KCNK10: variants seen among roughly 807,000 people sequenced by gnomAD.
KCNK10 encodes potassium channel subfamily K member 10.
In KCNK10, 25 loss-of-function variants were observed where a neutral mutation model predicts 47.7. The ratio of observed to expected loss-of-function variants is 0.52; its 90% CI spans 0.38 to 0.73. The LOEUF (loss-of-function observed/expected upper bound fraction) is 0.73. Among genes scored for constraint, KCNK10 ranks in the 30% least tolerant of loss-of-function variants. The pLI is 0.00. For missense variants in KCNK10, 563 were observed against 714.5 expected (o/e 0.79, Z 2.42); for synonymous variants, 303 against 285.6 (o/e 1.06, Z -0.61).
chr14:88,240,402 A>G (rs939561482), intron 3 of KCNK10, among the ~76,000 whole-genome samples: 1 of 152,216 alleles, frequency 6.6e-6, no homozygotes, highest in African/African-American at 2.4e-5. Flanking sequence ...TAAGAAGTAC[A>G]ATTTTTAAAA....
Position 88,212,109 on chromosome 14 carries a change from AATAT to A in KCNK10, c.681+15262_681+15265del, listed in dbSNP as rs34318518. Among the ~76,000 whole-genome samples the A allele has an allele frequency of 9.0e-5, 12 of 133,374 alleles. No individual in the cohort carries two copies. In the East Asian group the frequency reaches 1.3e-3, roughly 15 times the overall value. 87.5% of individuals were successfully genotyped at this position (133,374 alleles called of 152,430 possible). A position where few individuals can be genotyped will look rare whatever the true frequency, so the allele number is the denominator to read the frequency against. On this transcript the variant is annotated intron_variant, in intron 4 of 6. Transcript: ENST00000319231. ...ACTTTTGGTACTAACTGATAGTGAG[AATAT>A]ATATATATATATATATATCGAGAGA...
At chr14:88,271,244 A>G (rs994670195) in intron 1 of KCNK10, among the ~76,000 whole-genome samples, 13 of 152,204 alleles carry the variant, frequency 8.5e-5, no homozygotes, top group African/African-American at 3.1e-4. Context: ...CCCTGGTTAC[A>G]GTTTGTTTCA....
chr14:88,243,788 G>C (rs1478818471), intron 2 of KCNK10, among the ~76,000 whole-genome samples: 1 of 151,494 alleles, frequency 6.6e-6, no homozygotes, highest in Admixed American at 6.6e-5. Flanking sequence ...GACAAAAAGG[G>C]GTGTCAACTG....
intron 1 of KCNK10, among the ~76,000 whole-genome samples, chr14:88,288,889 C>T (rs1170374590): frequency 6.6e-6 from 1 of 152,154 alleles, no homozygotes; most frequent in Non-Finnish European, 1.5e-5. Context: ...CCTCACCACC[C>T]CACTGCAGAA....
chr14:88,231,220 A>G (rs1405489222), intron 3 of KCNK10, among the ~76,000 whole-genome samples: 1 of 152,142 alleles, frequency 6.6e-6, no homozygotes, highest in African/African-American at 2.4e-5. Flanking sequence ...TTGAGGTTAC[A>G]GTAAGCTATG....
chr14:88,242,663 C>G (rs1264468720), intron 2 of KCNK10, among the ~76,000 whole-genome samples: 1 of 152,182 alleles, frequency 6.6e-6, no homozygotes, highest in Non-Finnish European at 1.5e-5. Flanking sequence ...GCCTAATTGA[C>G]AGTGGTCACA....
Position 88,322,808 on chromosome 14 carries a change from G to A in KCNK10, c.-10C>T, listed in dbSNP as rs1292756645. 4 of 1,614,134 alleles carry A rather than the reference G, an allele frequency of 2.5e-6. No homozygotes were observed. In the South Asian group the frequency reaches 3.3e-5, roughly 13 times the overall value. On this transcript the variant is annotated 5_prime_UTR_variant, in exon 1 of 7. Coordinates refer to ENST00000319231, the MANE Select transcript of KCNK10 (RefSeq NM_138317.3). The surrounding 1 kb of genome is among the most constrained non-coding windows in gnomAD (Gnocchi z 4.8). ...CGATTGGAAATTTCATTGCTTCGTT[G>A]CCCAGAAGGGGAAGAAATGAAAAGA...
At chr14:88,312,447 G>A (rs1224614010) in intron 1 of KCNK10, among the ~76,000 whole-genome samples, 2 of 152,186 alleles carry the variant, frequency 1.3e-5, no homozygotes, top group African/African-American at 4.8e-5. Flanking sequence ...GCCGACTTGC[G>A]TTTCAGTCAC....
intron 4 of KCNK10, among the ~76,000 whole-genome samples, chr14:88,206,926 T>A (rs1468110702): frequency 1.3e-5 from 2 of 152,186 alleles, no homozygotes; most frequent in East Asian, 3.8e-4. Flanking sequence ...TGGGTGAAGG[T>A]AAATTGTATA....
intron 3 of KCNK10, among the ~76,000 whole-genome samples, chr14:88,228,259 G>A (rs2139873597): frequency 6.6e-6 from 1 of 152,284 alleles, no homozygotes; most frequent in Middle Eastern, 3.4e-3. Context: ...TTGAATACAA[G>A]AGAATCTTTT....
chr14:88,235,556 G>C (rs1428429982), intron 3 of KCNK10, among the ~76,000 whole-genome samples: 2 of 152,028 alleles, frequency 1.3e-5, no homozygotes, highest in Non-Finnish European at 2.9e-5. Context: ...AAAGAAACAG[G>C]AAAAGGAAAA....
chr14:88,211,133 C>T (rs986346117), intron 4 of KCNK10, among the ~76,000 whole-genome samples: 1 of 152,042 alleles, frequency 6.6e-6, no homozygotes, highest in African/African-American at 2.4e-5. Flanking sequence ...AACAAATAGG[C>T]AAAATGTGGT....
chr14:88,200,352 T>C (rs935658716), intron 4 of KCNK10, among the ~76,000 whole-genome samples: 4 of 152,144 alleles, frequency 2.6e-5, no homozygotes, highest in Non-Finnish European at 4.4e-5. Flanking sequence ...TTTAAGAGCA[T>C]AATTGAGAAA....
Position 88,273,863 on chromosome 14 carries a change from G to T in KCNK10, c.53-10312C>A, listed in dbSNP as rs551452889. 1.5e-3 allele frequency among the ~76,000 whole-genome samples: 231 copies of T among 152,284 alleles called. 1 individual carries two copies. Among genetic ancestry groups the T allele is most frequent in the African/African-American group, 5.4e-3 (226 of 41,564 alleles). Reference sequence around the variant, plus strand: ...TAACTAGCGCACTTTATACAGGAAAGACCTTTATCCTCCTCTTGGGATTAA... The same window carrying T: ...TAACTAGCGCACTTTATACAGGAAATACCTTTATCCTCCTCTTGGGATTAA... On this transcript the variant is annotated intron_variant, in intron 1 of 6. Coordinates refer to ENST00000319231, the MANE Select transcript of KCNK10 (RefSeq NM_138317.3).
At chr14:88,321,277 A>G (rs563364716) in intron 1 of KCNK10, among the ~76,000 whole-genome samples, 34 of 152,270 alleles carry the variant, frequency 2.2e-4, no homozygotes, top group South Asian at 1.2e-3. Context: ...GCCTAAGTCC[A>G]AGTGTCATGT....
intron 4 of KCNK10, among the ~76,000 whole-genome samples, chr14:88,210,848 A>G (rs924818953): frequency 6.6e-6 from 1 of 150,650 alleles, no homozygotes; most frequent in Non-Finnish European, 1.5e-5. Flanking sequence ...AAAAAAACAG[A>G]AAAAAGCAAG....
At chr14:88,273,006 G>A (rs187425556) in intron 1 of KCNK10, among the ~76,000 whole-genome samples, 2 of 152,310 alleles carry the variant, frequency 1.3e-5, no homozygotes, top group Non-Finnish European at 2.9e-5. Flanking sequence ...CCATCCAGGT[G>A]GAGCTATCCA....
At chr14:88,238,894 A>C (rs574942538) in intron 3 of KCNK10, among the ~76,000 whole-genome samples, 5 of 152,200 alleles carry the variant, frequency 3.3e-5, no homozygotes, top group Admixed American at 3.3e-4. Flanking sequence ...AAATTTCAAT[A>C]CCATTGTGCC....
At chr14:88,326,433 A>G, upstream of KCNK10, 1 of 1,613,622 alleles carries the variant, frequency 6.2e-7, no homozygotes, top group Non-Finnish European at 8.5e-7. Flanking sequence ...GGAAAGAAAG[A>G]AGTCTGTGTA....
Sources: gnomAD v4.1 joint callset for allele counts (sites outside exome capture counted in the v4.1 genomes callset) on GRCh38, gnomAD v4.1.1 for gene constraint, Gnocchi (gnomAD v3.1) non-coding constraint, MANE v1.5 for transcripts, NCBI Gene and HGNC (gene_info 2026-07-23, HGNC 2026-07-21) for gene names.